Variants in PIBF1 observed in about 807,000 individuals in gnomAD.
PIBF1 encodes progesterone immunomodulatory binding factor 1, also known as progesterone-induced-blocking factor 1.
In PIBF1, 90 loss-of-function variants were observed where a neutral mutation model predicts 112.5. The ratio of observed to expected loss-of-function variants is 0.80; its 90% CI spans 0.67 to 0.95. The LOEUF (loss-of-function observed/expected upper bound fraction) is 0.95, where lower values mean the gene tolerates loss of function less well. Among genes scored for constraint, PIBF1 ranks in the 40% least tolerant of loss-of-function variants. The pLI, the probability that PIBF1 is intolerant of heterozygous loss-of-function variation, is 0.00. For missense variants in PIBF1, 915 were observed against 852.3 expected (o/e 1.07, Z -0.92); for synonymous variants, 301 against 288.6 (o/e 1.04, Z -0.44).
chr13:72,970,744 G>A (rs1192783848), intron 15 of PIBF1: 1 of 152,036 alleles, frequency 6.6e-6, no homozygotes, highest in Admixed American at 6.6e-5. Flanking sequence ...GTCTTATGAA[G>A]ACTAAAATTC....
intron 6 of PIBF1, among the ~76,000 whole-genome samples, chr13:72,824,080 C>G (rs905489019): frequency 1.3e-5 from 2 of 152,122 alleles, no homozygotes; most frequent in African/African-American, 4.8e-5. Flanking sequence ...ATGGCACGAT[C>G]TCGGCTCACT....
intron 12 of PIBF1, among the ~76,000 whole-genome samples, chr13:72,914,747 A>G (rs925922758): frequency 2.6e-5 from 4 of 151,906 alleles, no homozygotes; most frequent in African/African-American, 7.3e-5. Flanking sequence ...ATCATGCCCA[A>G]CTAATTATTT....
rs1594056702 is a variant in PIBF1 at position 72,854,154 on chromosome 13, A to G, written c.1321A>G (p.Arg441Gly). 2 of 1,580,046 alleles carry G rather than the reference A, an allele frequency of 1.3e-6. No homozygotes were observed. Among genetic ancestry groups the G allele is most frequent in the Non-Finnish European group, 1.7e-6 (2 of 1,149,916 alleles). The change falls in exon 10 of 18, where the codon AGG (arginine) becomes GGG (glycine). Residue 441 changes from arginine (R) to glycine (G), a missense_variant and splice_region_variant. Physicochemically the swap from Arg to Gly is moderately radical, Grantham distance 125 (BLOSUM62 -2). Transcript: ENST00000326291. ...ALEKHDQLLD[R>G]YRELQLSTES... ...AGAAAAACACGATCAGCTCTTAGACAGGTAAGCATCATAAAAATAGAAATG... is the reference window on the plus strand; with the variant it reads ...AGAAAAACACGATCAGCTCTTAGACGGGTAAGCATCATAAAAATAGAAATG...
intron 12 of PIBF1, among the ~76,000 whole-genome samples, chr13:72,911,631 AT>A (rs1299994825): frequency 6.6e-6 from 1 of 152,200 alleles, no homozygotes; most frequent in East Asian, 1.9e-4. Context: ...TGTCATCAAA[AT>A]TTAAAACTTC....
intron 14 of PIBF1, among the ~76,000 whole-genome samples, chr13:72,956,638 C>T (rs995899952): frequency 1.3e-5 from 2 of 152,178 alleles, no homozygotes; most frequent in African/African-American, 2.4e-5. Context: ...TGGCTCTCGT[C>T]CTGTAACTCT....
chr13:72,998,241 T>TG (rs1272787097), intron 16 of PIBF1, among the ~76,000 whole-genome samples: 1 of 152,166 alleles, frequency 6.6e-6, no homozygotes, highest in Non-Finnish European at 1.5e-5. Flanking sequence ...GCATCTACAG[T>TG]GGAAGGTAGC....
intron 17 of PIBF1, among the ~76,000 whole-genome samples, chr13:73,002,710 G>A (rs1490012585): frequency 2.0e-5 from 3 of 152,214 alleles, no homozygotes; most frequent in East Asian, 1.9e-4. Context: ...GAGCTTGGGC[G>A]CAGTGGCTCA....
chr13:72,876,566 T>C (rs1235829813), intron 10 of PIBF1, among the ~76,000 whole-genome samples: 2 of 152,168 alleles, frequency 1.3e-5, no homozygotes, highest in Non-Finnish European at 1.5e-5. Flanking sequence ...TACCCATATA[T>C]GTAGAGTATT....
At chr13:72,923,796 C>G (rs182944258) in intron 13 of PIBF1, among the ~76,000 whole-genome samples, 2 of 152,236 alleles carry the variant, frequency 1.3e-5, no homozygotes, top group East Asian at 3.9e-4. Flanking sequence ...AAAACCCCAC[C>G]TCTACTAAAA....
In PIBF1 at chr13:72,786,782, A is replaced by G. The variant is rs187852473; in HGVS notation, c.252+3061A>G. Among the ~76,000 whole-genome samples the G allele has an allele frequency of 1.5e-4, 23 of 152,326 alleles. No homozygotes were observed. In the East Asian group the frequency reaches 4.4e-3, roughly 29 times the overall value. On this transcript the variant is annotated intron_variant, in intron 2 of 17. Transcript: ENST00000326291. ...GTATATTAGTAGAGTTTTTTTCTCT[A>G]TCATACGAGCACTCAGGATTCTCTG...
chr13:72,895,026 G>C (rs2040222868), intron 11 of PIBF1, among the ~76,000 whole-genome samples: 2 of 151,560 alleles, frequency 1.3e-5, no homozygotes, highest in South Asian at 4.1e-4. Context: ...TGGGGGTTGA[G>C]ACAGGGAGGA....
At chr13:72,935,050 A>G (rs1330238869) in intron 14 of PIBF1, among the ~76,000 whole-genome samples, 3 of 152,252 alleles carry the variant, frequency 2.0e-5, no homozygotes, top group Admixed American at 6.5e-5. Flanking sequence ...CAGTTGTGCA[A>G]TCTTGGCTCA....
chr13:72,910,122 A>G (rs556732002), intron 12 of PIBF1, among the ~76,000 whole-genome samples: 2 of 152,314 alleles, frequency 1.3e-5, no homozygotes, highest in African/African-American at 4.8e-5. Flanking sequence ...TGTAGGCCAA[A>G]TGTAAGAAAA....
chr13:72,982,028 C>G (rs546405015), intron 16 of PIBF1, among the ~76,000 whole-genome samples: 53 of 152,306 alleles, frequency 3.5e-4, no homozygotes, highest in African/African-American at 1.2e-3. Context: ...AAGGTAATAT[C>G]TACTTTGCAA....
intron 14 of PIBF1, among the ~76,000 whole-genome samples, chr13:72,933,443 C>T (rs12855958): frequency 1.3e-5 from 2 of 152,218 alleles, no homozygotes; most frequent in East Asian, 1.9e-4. Context: ...AGGGGGATCA[C>T]TTGAGGTCAA....
chr13:72,863,836 C>T (rs563276561), intron 10 of PIBF1, among the ~76,000 whole-genome samples: 5 of 152,144 alleles, frequency 3.3e-5, no homozygotes, highest in Non-Finnish European at 5.9e-5. Context: ...AAAATCTTTA[C>T]GTGTGAGATT....
At chr13:72,855,656 A>C (rs539523638) in intron 10 of PIBF1, among the ~76,000 whole-genome samples, 1 of 151,976 alleles carries the variant, frequency 6.6e-6, no homozygotes, top group Non-Finnish European at 1.5e-5. Flanking sequence ...CTCAAAAAAA[A>C]TTTTTTTAGT....
At chr13:72,995,729 A>G (rs182738761) in intron 16 of PIBF1, among the ~76,000 whole-genome samples, 1 of 152,248 alleles carries the variant, frequency 6.6e-6, no homozygotes, top group Non-Finnish European at 1.5e-5. Flanking sequence ...AGGCGAGTGG[A>G]TCACGAGGTC....
intron 17 of PIBF1, among the ~76,000 whole-genome samples, chr13:73,000,671 AG>A (rs1475963970): frequency 5.3e-5 from 8 of 152,222 alleles, no homozygotes; most frequent in Non-Finnish European, 1.0e-4. Context: ...AAAGCCTGTC[AG>A]CACTCTCTGA....
Sources: allele counts gnomAD v4.1 joint callset (sites outside exome capture counted in the v4.1 genomes callset), GRCh38; gene constraint gnomAD v4.1.1; transcripts MANE v1.5; gene names NCBI Gene and HGNC (gene_info 2026-07-23, HGNC 2026-07-21).